The following PCDHGA3 variants were observed in gnomAD, a reference collection of about 807,000 sequenced individuals.
PCDHGA3 encodes the protein protocadherin gamma subfamily A, 3, also known as protocadherin gamma-A3.
PCDHGA3 carries 40 observed loss-of-function variants against 58.5 expected under a neutral mutation model. That is an observed-to-expected ratio of 0.68 (90% CI 0.53 to 0.89). The LOEUF (loss-of-function observed/expected upper bound fraction) is 0.89, where lower values mean the gene tolerates loss of function less well. Ranked by LOEUF, PCDHGA3 falls within the 40% of genes least tolerant of loss-of-function variation. PCDHGA3 has a pLI of 0.00. For missense variants in PCDHGA3, 1,223 were observed against 1,195.9 expected, an observed-to-expected ratio of 1.02 and a Z score of -0.33; for synonymous variants, 530 against 525.7, an observed-to-expected ratio of 1.01 and a Z score of -0.11.
At chr5:141,378,342 G>T (rs1774822998) in intron 1 of PCDHGA3, 1 of 152,204 alleles carries the variant, frequency 6.6e-6, no homozygotes, top group African/African-American at 2.4e-5. Context: ...GACCAACATG[G>T]TGAAACCCCG....
chr5:141,458,059 T>G (rs533147047), intron 1 of PCDHGA3, among the ~76,000 whole-genome samples: 39 of 152,358 alleles, frequency 2.6e-4, no homozygotes, highest in African/African-American at 8.9e-4. Context: ...CTTGCTGCAC[T>G]GATGCGAACA....
intron 1 of PCDHGA3, among the ~76,000 whole-genome samples, chr5:141,472,145 A>G (rs1376068421): frequency 6.6e-6 from 1 of 152,244 alleles, no homozygotes; most frequent in Non-Finnish European, 1.5e-5. Flanking sequence ...TAAAAGTTTC[A>G]TGGTTACATA....
At chr5:141,395,077 A>C (rs2093162583) in intron 1 of PCDHGA3, 1 of 1,614,024 alleles carries the variant, frequency 6.2e-7, no homozygotes, top group South Asian at 1.1e-5. Context: ...ACCTATTCCC[A>C]GGAAGTCTCC....
chr5:141,478,901 A>T (rs2099483520), intron 1 of PCDHGA3: 2 of 1,002,034 alleles, frequency 2.0e-6, no homozygotes, highest in African/African-American at 3.3e-5. Flanking sequence ...ATTAGGAATA[A>T]GCTGCTGGAT....
chr5:141,473,245 C>T (rs2099317733), intron 1 of PCDHGA3, among the ~76,000 whole-genome samples: 1 of 152,134 alleles, frequency 6.6e-6, no homozygotes, highest in African/African-American at 2.4e-5. Context: ...CAAGTGAATA[C>T]ATATATAGTC....
At chr5:141,406,431 T>G (rs1316370664) in intron 1 of PCDHGA3, among the ~76,000 whole-genome samples, 3 of 152,352 alleles carry the variant, frequency 2.0e-5, no homozygotes, top group Non-Finnish European at 4.4e-5. Context: ...ATTTATTGCT[T>G]CTATTCTTCC....
In PCDHGA3 at chr5:141,350,785, C is replaced by A; in HGVS notation, c.2424+4328C>A. 1 of 1,613,294 alleles carries A rather than the reference C, an allele frequency of 6.2e-7. No individual in the cohort carries two copies. The highest frequency in any genetic ancestry group is 8.5e-7 in the Non-Finnish European group (1 of 1,179,758). Reference sequence around the variant, plus strand: ...ACACCATCAACCCCAATCAATACTTCTCTCTGTCAACGAAGGAAAGTCCTG... The same window carrying A: ...ACACCATCAACCCCAATCAATACTTATCTCTGTCAACGAAGGAAAGTCCTG... On this transcript the variant is annotated intron_variant, in intron 1 of 3. Coordinates refer to ENST00000253812, the MANE Select transcript of PCDHGA3 (RefSeq NM_018916.4).
At chr5:141,383,770 A>T (rs776707003) in intron 1 of PCDHGA3, 11 of 1,613,890 alleles carry the variant, frequency 6.8e-6, no homozygotes, top group Non-Finnish European at 8.5e-6. Flanking sequence ...ACTTCCAAAG[A>T]TGTTTCATCT....
At chr5:141,360,645 C>A (rs1263942255) in intron 1 of PCDHGA3, 1 of 1,613,862 alleles carries the variant, frequency 6.2e-7, no homozygotes, top group Non-Finnish European at 8.5e-7. Context: ...TACAAAGATA[C>A]CACCTTAATG....
intron 2 of PCDHGA3, among the ~76,000 whole-genome samples, chr5:141,502,200 C>T (rs553356132): frequency 6.6e-6 from 1 of 152,252 alleles, no homozygotes; most frequent in African/African-American, 2.4e-5. Flanking sequence ...AATATAGAAT[C>T]CACCAGCAGA....
chr5:141,388,747 C>T (rs1434278785), intron 1 of PCDHGA3: 2 of 1,613,862 alleles, frequency 1.2e-6, no homozygotes, highest in African/African-American at 1.3e-5. Context: ...AGCCAGATCA[C>T]CCAATTTGAC....
At chr5:141,394,743 G>A (rs928437652) in intron 1 of PCDHGA3, 4 of 1,613,314 alleles carry the variant, frequency 2.5e-6, no homozygotes, top group Non-Finnish European at 3.4e-6. Flanking sequence ...GAGCCTCGTG[G>A]TGGCCGTCCA....
chr5:141,344,155 A>T lies in PCDHGA3; in HGVS notation c.122A>T (p.Lys41Ile), dbSNP rs987169156. The change falls in exon 1 of 4, where the codon AAA becomes ATA. Residue 41 changes from lysine (K) to isoleucine (I), a missense_variant. Transcript: ENST00000253812. ...IRYSVSEELDKGSFVGNIAND... is the reference protein window; with the variant it reads ...IRYSVSEELDIGSFVGNIAND... ...TACTCGGTGTCTGAGGAGCTAGATAAAGGTTCCTTCGTGGGCAACATCGCT... is the reference window on the plus strand; with the variant it reads ...TACTCGGTGTCTGAGGAGCTAGATATAGGTTCCTTCGTGGGCAACATCGCT... The T allele has an allele frequency of 6.2e-7, 1 of 1,613,886 alleles. No homozygotes were observed. Among genetic ancestry groups the T allele is most frequent in the African/African-American group, 1.3e-5 (1 of 74,924 alleles).
chr5:141,507,735 C>T (rs942364858), intron 3 of PCDHGA3, among the ~76,000 whole-genome samples: 3 of 152,268 alleles, frequency 2.0e-5, no homozygotes, highest in Non-Finnish European at 2.9e-5. Flanking sequence ...TCATGCAGCT[C>T]GTTCCCCTGT....
intron 1 of PCDHGA3, chr5:141,404,577 T>C (rs2094542300): frequency 6.2e-7 from 1 of 1,613,954 alleles, no homozygotes; most frequent in South Asian, 1.1e-5. Context: ...AGCCCACCAC[T>C]TAGCAGCAAT....
At chr5:141,453,490 G>T (rs921556476) in intron 1 of PCDHGA3, among the ~76,000 whole-genome samples, 3 of 151,922 alleles carry the variant, frequency 2.0e-5, no homozygotes, top group African/African-American at 7.3e-5. Context: ...TTAAAAAAAG[G>T]TGTACTCAGA....
chr5:141,365,902 G>A lies in PCDHGA3; in HGVS notation c.2424+19445G>A, dbSNP rs373157726. ...CTCTGAGATCCTTCGACTATGAGCAGTTGAGAGACCTACAGTTGTGGGTGA... is the reference window on the plus strand; with the variant it reads ...CTCTGAGATCCTTCGACTATGAGCAATTGAGAGACCTACAGTTGTGGGTGA... On this transcript the variant is annotated intron_variant, in intron 1 of 3. Coordinates refer to ENST00000253812, the MANE Select transcript of PCDHGA3 (RefSeq NM_018916.4). 22 of 1,614,138 alleles carry A rather than the reference G, an allele frequency of 1.4e-5. No homozygotes were observed. The African/African-American group carries it at 2.9e-4, about 22-fold the overall frequency.
rs765743251 is a variant in PCDHGA3 at position 141,476,488 on chromosome 5, G to A, written c.2425-18319G>A. ...TGGAGCTGTTCAGCGTGGAAGTGGTGATCCAGGACATCAACGACAACAATC... is the reference window on the plus strand; with the variant it reads ...TGGAGCTGTTCAGCGTGGAAGTGGTAATCCAGGACATCAACGACAACAATC... On this transcript the variant is annotated intron_variant, in intron 1 of 3. Coordinates refer to ENST00000253812, the MANE Select transcript of PCDHGA3 (RefSeq NM_018916.4). This position sits in a 1 kb window ranked among gnomAD's most constrained non-coding sequence, Gnocchi z 7.6. 4 of 1,613,932 alleles carry A rather than the reference G, an allele frequency of 2.5e-6. No homozygotes were observed. Among genetic ancestry groups the A allele is most frequent in the Non-Finnish European group, 3.4e-6 (4 of 1,180,016 alleles).
At chr5:141,355,012 A>T in intron 1 of PCDHGA3, 1 of 841,198 alleles carries the variant, frequency 1.2e-6, no homozygotes. Context: ...ACAAACCAGA[A>T]ATTTAATCAG....
Sources: allele counts gnomAD v4.1 joint callset (sites outside exome capture counted in the v4.1 genomes callset), GRCh38; gene constraint gnomAD v4.1.1; non-coding constraint Gnocchi (gnomAD v3.1); transcripts MANE v1.5; gene names NCBI Gene and HGNC (gene_info 2026-07-23, HGNC 2026-07-21).